Variants in MED12L observed in about 807,000 individuals in gnomAD.
MED12L encodes mediator complex subunit 12L.
MED12L carries 60 observed loss-of-function variants against 281.3 expected under a neutral mutation model. The observed-to-expected ratio is 0.21, with a 90% confidence interval of 0.17 to 0.26. The LOEUF (loss-of-function observed/expected upper bound fraction) is 0.26. Among genes scored for constraint, MED12L ranks in the 10% least tolerant of loss-of-function variants. The pLI is 1.00. For missense variants in MED12L, 2,146 were observed against 2,680.9 expected, an observed-to-expected ratio of 0.80 and a Z score of 4.41; for synonymous variants, 974 against 987.2, an observed-to-expected ratio of 0.99 and a Z score of 0.25.
At chr3:151,311,896 G>A (rs746099076) in intron 16 of MED12L, among the ~76,000 whole-genome samples, 1 of 152,098 alleles carries the variant, frequency 6.6e-6, no homozygotes, top group Non-Finnish European at 1.5e-5. Flanking sequence ...GTGGTGGCAG[G>A]CACTTGTATT....
chr3:151,303,346 A>C (rs1451400454), intron 16 of MED12L, among the ~76,000 whole-genome samples: 2 of 152,074 alleles, frequency 1.3e-5, no homozygotes. Context: ...GGTGTCTACT[A>C]GATGATTAAA....
At chr3:151,208,819 G>A (rs1726738027) in intron 16 of MED12L, among the ~76,000 whole-genome samples, 1 of 152,148 alleles carries the variant, frequency 6.6e-6, no homozygotes, top group African/African-American at 2.4e-5. Context: ...ACACTTCTGG[G>A]GCAGGTTTAG....
intron 16 of MED12L, among the ~76,000 whole-genome samples, chr3:151,320,026 A>G (rs1483182361): frequency 6.6e-6 from 1 of 152,166 alleles, no homozygotes; most frequent in African/African-American, 2.4e-5. Context: ...TGTTTTTGAT[A>G]TGAGACATTG....
chr3:151,100,636 A>C (rs1721277543), intron 2 of MED12L, among the ~76,000 whole-genome samples: 1 of 152,158 alleles, frequency 6.6e-6, no homozygotes, highest in African/African-American at 2.4e-5. Flanking sequence ...ATAAAGCTTC[A>C]CACAGTGCTG....
At chr3:151,328,551 A>G in intron 16 of MED12L, 1 of 1,613,868 alleles carries the variant, frequency 6.2e-7, no homozygotes, top group East Asian at 2.2e-5. Context: ...AACAAAAAGA[A>G]CCAGATGAAG....
chr3:151,322,489 A>G (rs978158533), intron 16 of MED12L, among the ~76,000 whole-genome samples: 2 of 151,988 alleles, frequency 1.3e-5, no homozygotes, highest in African/African-American at 4.8e-5. Flanking sequence ...GAGCTACTGC[A>G]TCTGGCGCCC....
chr3:151,334,184 C>CTTTTTTTTTTT (rs1750672562), intron 16 of MED12L, among the ~76,000 whole-genome samples: 4 of 35,536 alleles, frequency 1.1e-4, no homozygotes, highest in African/African-American at 1.6e-4. Flanking sequence ...TGTGTTTTTT[C>CTTTTTTTTTTT]TTTCTTTCTT....
intron 28 of MED12L, 104 bp downstream of exon 28, chr3:151,376,318 A>G: frequency 1.0e-6 from 1 of 960,330 alleles, no homozygotes; most frequent in African/African-American, 1.7e-5. Context: ...TGTGATTTCA[A>G]TTCTGATTTT....
intron 9 of MED12L, 148 bp downstream of exon 9, chr3:151,164,190 G>C (rs1056593439): frequency 1.3e-6 from 1 of 789,094 alleles, no homozygotes; most frequent in Admixed American, 3.2e-5. Context: ...TTAGAGAATT[G>C]TTTAGCCTCT....
chr3:151,301,181 G>A (rs902104343), intron 16 of MED12L, among the ~76,000 whole-genome samples: 1 of 152,100 alleles, frequency 6.6e-6, no homozygotes, highest in Non-Finnish European at 1.5e-5. Flanking sequence ...TTAATGTAAG[G>A]CAAAGAGGTA....
chr3:151,304,739 C>T (rs1179402963), intron 16 of MED12L, among the ~76,000 whole-genome samples: 1 of 152,076 alleles, frequency 6.6e-6, no homozygotes, highest in Admixed American at 6.6e-5. Flanking sequence ...TCCATTTCTG[C>T]CTGTATAAAA....
In MED12L at chr3:151,411,451, T is replaced by C; in HGVS notation, c.6084T>C (p.Ser2028=). Residue 2028 remains serine, a synonymous_variant, in exon 41 of 45, where the codon AGT becomes AGC. Transcript: ENST00000687756. Reference sequence around the variant, plus strand: ...TCAGACAGATTCAGCAGCAGCCGAGTGGCTATGTTCAGCAGCAGGCCTCGC... The same window carrying C: ...TCAGACAGATTCAGCAGCAGCCGAGCGGCTATGTTCAGCAGCAGGCCTCGC... The part of the protein sequence containing the change: ...ERLRQIQQQP[S]GYVQQQASPY... The C allele has an allele frequency of 6.2e-7, 1 of 1,614,058 alleles. No individual in the cohort carries two copies. Among genetic ancestry groups the C allele is most frequent in the Non-Finnish European group, 8.5e-7 (1 of 1,180,006 alleles).
intron 16 of MED12L, chr3:151,328,401 T>G: frequency 6.2e-7 from 1 of 1,613,666 alleles, no homozygotes; most frequent in Non-Finnish European, 8.5e-7. Flanking sequence ...ATAAAAACAG[T>G]CCAGAAAATA....
intron 27 of MED12L, 88 bp downstream of exon 27, chr3:151,372,854 G>C: frequency 1.0e-6 from 1 of 956,776 alleles, no homozygotes; most frequent in Non-Finnish European, 1.6e-6. Flanking sequence ...CTTGTGCATA[G>C]GTGGGCCTTT....
At chr3:151,090,735 T>G (rs938825173) in intron 2 of MED12L, among the ~76,000 whole-genome samples, 1 of 152,140 alleles carries the variant, frequency 6.6e-6, no homozygotes, top group African/African-American at 2.4e-5. Flanking sequence ...AGGTTTACTC[T>G]GGGACAAAAG....
At chr3:151,402,391 A>T (rs1207603720) in intron 39 of MED12L, among the ~76,000 whole-genome samples, 2 of 152,202 alleles carry the variant, frequency 1.3e-5, no homozygotes, top group African/African-American at 4.8e-5. Flanking sequence ...CGCACTATAA[A>T]TATTTGCTGT....
At chr3:151,106,907 A>T (rs1461454904) in intron 2 of MED12L, among the ~76,000 whole-genome samples, 1 of 152,146 alleles carries the variant, frequency 6.6e-6, no homozygotes, top group South Asian at 2.1e-4. Context: ...CTGTCTCTAT[A>T]TTTAAAGTAT....
rs1576975214 is a variant in MED12L, at chr3:151,209,625, G to A, written c.2250+15959G>A. ...GAAAGAAATCCCGTGTCATTTTGGG[G>A]GAGTGATCTGTTATATTTGTAATTT... is the stretch of plus-strand genomic sequence containing the variant. On this transcript the variant is annotated intron_variant, in intron 16 of 44. Transcript: ENST00000687756. 2.0e-5 allele frequency among the ~76,000 whole-genome samples: 3 copies of A among 152,154 alleles called. No individual in the cohort carries two copies. In the East Asian group the frequency reaches 5.8e-4, roughly 29 times the overall value.
intron 16 of MED12L, among the ~76,000 whole-genome samples, chr3:151,282,472 A>G (rs1742950155): frequency 6.6e-6 from 1 of 152,122 alleles, no homozygotes; most frequent in Admixed American, 6.6e-5. Context: ...TTGTTGAGAA[A>G]GATGTTGACG....
Sources: gnomAD v4.1 joint callset for allele counts (sites outside exome capture counted in the v4.1 genomes callset) on GRCh38, gnomAD v4.1.1 for gene constraint, MANE v1.5 for transcripts, NCBI Gene and HGNC (gene_info 2026-07-23, HGNC 2026-07-21) for gene names.